TMEM131L: variants seen among roughly 807,000 people sequenced by gnomAD.
TMEM131L encodes transmembrane protein 131-like.
A neutral mutation model predicts 192.2 loss-of-function variants in TMEM131L; 54 were observed. That is an observed-to-expected ratio of 0.28 (90% CI 0.23 to 0.35). The LOEUF (loss-of-function observed/expected upper bound fraction) is 0.35. Ranked by LOEUF, TMEM131L falls within the 10% of genes least tolerant of loss-of-function variation. The pLI is 1.00. For synonymous variants in TMEM131L, 701 were observed against 704.9 expected, an observed-to-expected ratio of 0.99 and a Z score of 0.09; for missense variants, 1,888 against 1,972.9, an observed-to-expected ratio of 0.96 and a Z score of 0.82.
At chr4:153,488,116 T>TGA (rs1207507153) in intron 3 of TMEM131L, among the ~76,000 whole-genome samples, 1 of 147,916 alleles carries the variant, frequency 6.8e-6, no homozygotes, top group Non-Finnish European at 1.5e-5. Flanking sequence ...TGTGTGTGTG[T>TGA]GAGAGAGAGA....
At chr4:153,503,235 A>C (rs1466625954) in intron 3 of TMEM131L, among the ~76,000 whole-genome samples, 1 of 152,174 alleles carries the variant, frequency 6.6e-6, no homozygotes, top group East Asian at 1.9e-4. Flanking sequence ...CATTTAATTC[A>C]CTTTTTCCTT....
chr4:153,622,709 C>T lies in TMEM131L; in HGVS notation c.3860-189C>T, dbSNP rs138289559. ...TTGCTCCTGCCATAGGCAGAGTAGACGGCCCATCCCCTATTATTTCTCAAA... is the reference window on the plus strand; with the variant it reads ...TTGCTCCTGCCATAGGCAGAGTAGATGGCCCATCCCCTATTATTTCTCAAA... On this transcript the variant is annotated intron_variant, in intron 28 of 34. Coordinates refer to ENST00000409959, the MANE Select transcript of TMEM131L (RefSeq NM_001131007.2). Among the ~76,000 whole-genome samples, 703 of 152,292 alleles carry T rather than the reference C, an allele frequency of 4.6e-3. 4 individuals are homozygous for T. The highest frequency in any genetic ancestry group is 0.012 in the African/African-American group (513 of 41,566).
At chr4:153,611,031 G>A (rs1017335168) in intron 25 of TMEM131L, among the ~76,000 whole-genome samples, 4 of 152,212 alleles carry the variant, frequency 2.6e-5, no homozygotes, top group African/African-American at 9.6e-5. Context: ...TGTGGGATAA[G>A]AGATAGAAGA....
At chr4:153,467,425 G>T in intron 2 of TMEM131L, 144 bp downstream of exon 2, 1 of 709,158 alleles carries the variant, frequency 1.4e-6, no homozygotes, top group South Asian at 1.8e-5. Context: ...GGCCGAGCCT[G>T]AACACCTGGC....
Position 153,588,895 on chromosome 4 carries a change from C to A in TMEM131L, c.1558C>A (p.Pro520Thr), listed in dbSNP as rs1418008515. 1 of 1,539,794 alleles carries A rather than the reference C, an allele frequency of 6.5e-7. No homozygotes were observed. The highest frequency in any genetic ancestry group is 1.4e-5 in the African/African-American group (1 of 73,448). ...YFMGKSKAGN[P>T]NWNGSLSLDQ... Reference sequence around the variant, plus strand: ...GAATCTGATCTAACTTTTAGGAAATCCTAATTGGAATGGGAGCCTTTCTCT... The same window carrying A: ...GAATCTGATCTAACTTTTAGGAAATACTAATTGGAATGGGAGCCTTTCTCT... Residue 520 changes from proline (P) to threonine (T), a missense_variant, in exon 16 of 35, where the codon CCT becomes ACT. Pro to Thr is a conservative substitution (Grantham distance 38). Transcript: ENST00000409959.
At chr4:153,600,916 G>T (rs542881711) in intron 21 of TMEM131L, among the ~76,000 whole-genome samples, 1 of 152,298 alleles carries the variant, frequency 6.6e-6, no homozygotes, top group East Asian at 1.9e-4. Flanking sequence ...TTTGAGGCCA[G>T]CCTGGCCAAC....
At chr4:153,611,563 C>T (rs1732614850) in intron 25 of TMEM131L, among the ~76,000 whole-genome samples, 1 of 152,172 alleles carries the variant, frequency 6.6e-6, no homozygotes, top group African/African-American at 2.4e-5. Context: ...TGTCCATATC[C>T]TTTTCCATTT....
chr4:153,540,331 G>A (rs1029475465), intron 3 of TMEM131L, among the ~76,000 whole-genome samples: 2 of 151,672 alleles, frequency 1.3e-5, no homozygotes, highest in African/African-American at 4.9e-5. Context: ...TTTTCACTTC[G>A]TTAAAACTCT....
intron 2 of TMEM131L, among the ~76,000 whole-genome samples, chr4:153,472,393 A>G (rs1238088000): frequency 6.6e-6 from 1 of 152,212 alleles, no homozygotes; most frequent in East Asian, 1.9e-4. Context: ...TTGATTTAGA[A>G]AAAGTTGCTT....
intron 3 of TMEM131L, among the ~76,000 whole-genome samples, chr4:153,542,149 T>C (rs1362163923): frequency 6.6e-6 from 1 of 152,154 alleles, no homozygotes; most frequent in East Asian, 1.9e-4. Flanking sequence ...GCAAACCCAC[T>C]GGATAGGTAC....
intron 21 of TMEM131L, among the ~76,000 whole-genome samples, chr4:153,600,778 G>A (rs1731784169): frequency 6.6e-6 from 1 of 152,088 alleles, no homozygotes; most frequent in East Asian, 1.9e-4. Flanking sequence ...TTGTTTGTTT[G>A]TTTTAGAAAA....
At chr4:153,489,151 C>T (rs1176658311) in intron 3 of TMEM131L, among the ~76,000 whole-genome samples, 1 of 152,202 alleles carries the variant, frequency 6.6e-6, no homozygotes, top group African/African-American at 2.4e-5. Context: ...CGAGACTCGT[C>T]TGTGAGCCCT....
At chr4:153,524,322 G>A (rs1735331148) in intron 3 of TMEM131L, among the ~76,000 whole-genome samples, 1 of 152,136 alleles carries the variant, frequency 6.6e-6, no homozygotes, top group African/African-American at 2.4e-5. Context: ...TAAGTTGTGT[G>A]TGTCGGTTGA....
chr4:153,467,369 G>A (rs982604527), intron 2 of TMEM131L, 88 bp downstream of exon 2: 3 of 1,140,828 alleles, frequency 2.6e-6, no homozygotes, highest in Non-Finnish European at 3.8e-6. Flanking sequence ...CCCTGTCCAA[G>A]CGGCACAGGC....
intron 33 of TMEM131L, 34 bp downstream of exon 33, chr4:153,634,314 T>G: frequency 6.6e-7 from 1 of 1,515,814 alleles, no homozygotes; most frequent in Non-Finnish European, 9.2e-7. Flanking sequence ...AACGCCATTA[T>G]TTTATTCTTA....
chr4:153,626,187 C>G lies in TMEM131L; in HGVS notation c.4086C>G (p.Pro1362=). 6.2e-7 allele frequency: 1 copy of G among 1,612,322 alleles called. No individual in the cohort carries two copies. The highest frequency in any genetic ancestry group is 8.5e-7 in the Non-Finnish European group (1 of 1,178,568). The change falls in exon 30 of 35, where the codon CCC becomes CCG. Residue 1362 remains proline, a synonymous_variant. Coordinates refer to ENST00000409959, the MANE Select transcript of TMEM131L (RefSeq NM_001131007.2). The part of the protein sequence containing the change: ...VSQNDFPSEA[P]ISLNLSHNIC... ...AAAATGATTTTCCTTCTGAAGCTCCCATCTCCTTGAATCTTTCTCATAACA... is the reference window on the plus strand; with the variant it reads ...AAAATGATTTTCCTTCTGAAGCTCCGATCTCCTTGAATCTTTCTCATAACA...
intron 26 of TMEM131L, among the ~76,000 whole-genome samples, chr4:153,615,845 T>C (rs1732938914): frequency 6.6e-6 from 1 of 152,196 alleles, no homozygotes; most frequent in African/African-American, 2.4e-5. Context: ...ACCTGCCACA[T>C]GCATGGGTGC....
chr4:153,546,574 C>T (rs765576089), intron 3 of TMEM131L, among the ~76,000 whole-genome samples: 25 of 152,180 alleles, frequency 1.6e-4, no homozygotes, highest in Non-Finnish European at 3.1e-4. Flanking sequence ...GATAATTGTT[C>T]ATGTCTGTAG....
intron 8 of TMEM131L, among the ~76,000 whole-genome samples, 197 bp from the exon 9 acceptor site, chr4:153,581,210 C>T (rs1453397967): frequency 6.6e-6 from 1 of 152,146 alleles, no homozygotes; most frequent in Non-Finnish European, 1.5e-5. Flanking sequence ...GCCGAGATCG[C>T]ACCACTGCAC....
Sources: gnomAD v4.1 joint callset for allele counts (sites outside exome capture counted in the v4.1 genomes callset) on GRCh38, gnomAD v4.1.1 for gene constraint, MANE v1.5 for transcripts, NCBI Gene and HGNC (gene_info 2026-07-23, HGNC 2026-07-21) for gene names.